STK38L: variants seen among roughly 807,000 people sequenced by gnomAD.
STK38L encodes serine/threonine-protein kinase 38-like.
Under a neutral mutation model 59.7 loss-of-function variants are expected in STK38L, and 28 were observed. The ratio of observed to expected loss-of-function variants is 0.47; its 90% CI spans 0.35 to 0.64. The LOEUF (loss-of-function observed/expected upper bound fraction) is 0.64, where lower values mean the gene tolerates loss of function less well. Among genes scored for constraint, STK38L ranks in the 30% least tolerant of loss-of-function variants. The pLI is 0.01. For missense variants in STK38L, 314 were observed against 555.8 expected, an observed-to-expected ratio of 0.56 and a Z score of 4.37; for synonymous variants, 162 against 176.8, an observed-to-expected ratio of 0.92 and a Z score of 0.66.
chr12:27,283,692 A>G (rs1204218826), intron 1 of STK38L, among the ~76,000 whole-genome samples: 1 of 152,186 alleles, frequency 6.6e-6, no homozygotes, highest in Admixed American at 6.5e-5. Flanking sequence ...TTTTATTTTT[A>G]TATATGGGGC....
Position 27,324,001 on chromosome 12 carries a change from T to C in STK38L, c.*1546T>C, listed in dbSNP as rs181068918. On this transcript the variant is annotated 3_prime_UTR_variant, in exon 14 of 14. Transcript: ENST00000389032. ...TCAAAATCTAAAGTGATGAATTATTTGTAGGAATGTCTTCCTAATGGGGAA... is the reference window on the plus strand; with the variant it reads ...TCAAAATCTAAAGTGATGAATTATTCGTAGGAATGTCTTCCTAATGGGGAA... 3.7e-4 allele frequency: 56 copies of C among 152,220 alleles called. No homozygotes were observed. Among genetic ancestry groups the C allele is most frequent in the African/African-American group, 1.3e-3 (56 of 41,558 alleles). 9.4% of individuals were successfully genotyped at this position (152,220 alleles called of 1,614,324 possible).
chr12:27,250,918 C>G (rs959857265), intron 1 of STK38L, among the ~76,000 whole-genome samples: 13 of 148,938 alleles, frequency 8.7e-5, no homozygotes, highest in African/African-American at 3.2e-4. Flanking sequence ...AGAATGGCGT[C>G]AACCCGGGAG....
At chr12:27,319,206 ATAGT>A in intron 11 of STK38L, 118 bp from the exon 12 acceptor site, 2 of 620,300 alleles carry the variant, frequency 3.2e-6, no homozygotes, top group Non-Finnish European at 2.7e-6. Flanking sequence ...TACAATAAAC[ATAGT>A]TAACATCAAT....
chr12:27,294,508 A>T (rs1412344168), intron 1 of STK38L, among the ~76,000 whole-genome samples: 1 of 150,110 alleles, frequency 6.7e-6, no homozygotes, highest in Non-Finnish European at 1.5e-5. Context: ...TTCTGTCAAA[A>T]AAAAAAAAAA....
intron 7 of STK38L, 77 bp from the exon 8 acceptor site, chr12:27,314,938 A>T: frequency 9.0e-7 from 1 of 1,106,420 alleles, no homozygotes; most frequent in South Asian, 1.7e-5. Context: ...TATAATTGCC[A>T]TTTAATAGAG....
chr12:27,318,048 A>T, intron 11 of STK38L, 29 bp downstream of exon 11: 1 of 1,611,738 alleles, frequency 6.2e-7, no homozygotes, highest in South Asian at 1.1e-5. Flanking sequence ...AGAGGAGTTC[A>T]TAGTGTCTTA....
chr12:27,259,639 T>TC (rs869149204), intron 1 of STK38L, among the ~76,000 whole-genome samples: 3 of 152,028 alleles, frequency 2.0e-5, no homozygotes, highest in South Asian at 2.1e-4. Flanking sequence ...AGGGTTTCTT[T>TC]CCCCCCCTTT....
intron 1 of STK38L, among the ~76,000 whole-genome samples, chr12:27,290,107 C>T (rs2136632915): frequency 6.6e-6 from 1 of 152,280 alleles, no homozygotes; most frequent in Non-Finnish European, 1.5e-5. Flanking sequence ...ATATTTTTTA[C>T]TGATTTATTG....
intron 1 of STK38L, among the ~76,000 whole-genome samples, chr12:27,265,330 A>G (rs899512716): frequency 2.0e-5 from 3 of 152,128 alleles, no homozygotes; most frequent in Non-Finnish European, 4.4e-5. Context: ...TTCCATCATG[A>G]TAATTTTCCC....
chr12:27,325,099 T>C lies in STK38L; in HGVS notation c.*2644T>C, dbSNP rs1270645398. 1 of 152,134 alleles carries C rather than the reference T, an allele frequency of 6.6e-6. No individual in the cohort carries two copies. The highest frequency in any genetic ancestry group is 2.4e-5 in the African/African-American group (1 of 41,466). 9.4% of individuals were successfully genotyped at this position (152,134 alleles called of 1,614,324 possible). On this transcript the variant is annotated 3_prime_UTR_variant, in exon 14 of 14. Coordinates refer to ENST00000389032, the MANE Select transcript of STK38L (RefSeq NM_015000.4). ...AAAACCTTTGTATTAAAGCAAGTTA[T>C]GTTATTTTTCTTTTATGCATTTATT...
intron 9 of STK38L, among the ~76,000 whole-genome samples, chr12:27,315,734 G>A (rs1431785928): frequency 6.6e-6 from 1 of 152,202 alleles, no homozygotes; most frequent in African/African-American, 2.4e-5. Flanking sequence ...TAAGGTGGTT[G>A]TGAGTTTCTA....
chr12:27,263,001 A>T (rs1227734765), intron 1 of STK38L, among the ~76,000 whole-genome samples: 1 of 151,658 alleles, frequency 6.6e-6, no homozygotes, highest in Non-Finnish European at 1.5e-5. Flanking sequence ...GTTTCTCCAC[A>T]TTGGCCAGGC....
chr12:27,276,503 C>G (rs1361173200), intron 1 of STK38L, among the ~76,000 whole-genome samples: 1 of 151,696 alleles, frequency 6.6e-6, no homozygotes, highest in Non-Finnish European at 1.5e-5. Context: ...GTTCACATGC[C>G]CTGGAGAGAG....
intron 1 of STK38L, among the ~76,000 whole-genome samples, chr12:27,246,936 G>A (rs1186749736): frequency 6.6e-6 from 1 of 152,194 alleles, no homozygotes; most frequent in Non-Finnish European, 1.5e-5. Flanking sequence ...TGTCTTCAAG[G>A]AGATGTGATC....
chr12:27,298,807 G>A lies in STK38L; in HGVS notation c.134+953G>A, dbSNP rs370342853. ...ACCAGGTCAGGCAGTGTCCAATTTC[G>A]CTCAAGCACAGGATGTGCTAGATTC... On this transcript the variant is annotated intron_variant, in intron 2 of 13. Coordinates refer to ENST00000389032, the MANE Select transcript of STK38L (RefSeq NM_015000.4). 9.7e-4 allele frequency among the ~76,000 whole-genome samples: 147 copies of A among 152,286 alleles called. 3 individuals are homozygous for A. In the South Asian group the frequency reaches 0.027, roughly 28 times the overall value.
chr12:27,280,954 A>G (rs1591884690), intron 1 of STK38L, among the ~76,000 whole-genome samples: 1 of 152,220 alleles, frequency 6.6e-6, no homozygotes, highest in African/African-American at 2.4e-5. Flanking sequence ...ACAAGGAATT[A>G]TAAAACCATT....
chr12:27,247,849 CT>C (rs1280412457), intron 1 of STK38L, among the ~76,000 whole-genome samples: 1 of 132,222 alleles, frequency 7.6e-6, no homozygotes, highest in Non-Finnish European at 1.6e-5. Flanking sequence ...GAGTTTAAGT[CT>C]GTCTTTTAGG....
Position 27,302,201 on chromosome 12 carries a change from C to G in STK38L, c.186+13C>G. Reference sequence around the variant, plus strand: ...AGCAGATGAAGAGGTAATGTAATTACCTATAATTACTGTACAAAAGCACCC... The same window carrying G: ...AGCAGATGAAGAGGTAATGTAATTAGCTATAATTACTGTACAAAAGCACCC... On this transcript the variant is annotated intron_variant, in intron 3 of 13. Transcript: ENST00000389032. 6.3e-7 allele frequency: 1 copy of G among 1,587,388 alleles called. No individual in the cohort carries two copies. The highest frequency in any genetic ancestry group is 8.6e-7 in the Non-Finnish European group (1 of 1,166,056).
At chr12:27,274,457 A>G (rs969606363) in intron 1 of STK38L, among the ~76,000 whole-genome samples, 1 of 152,178 alleles carries the variant, frequency 6.6e-6, no homozygotes, top group African/African-American at 2.4e-5. Context: ...TGTAAAAATC[A>G]CCTGAAAAAG....
Sources: gnomAD v4.1 joint callset for allele counts (sites outside exome capture counted in the v4.1 genomes callset) on GRCh38, gnomAD v4.1.1 for gene constraint, MANE v1.5 for transcripts, NCBI Gene and HGNC (gene_info 2026-07-23, HGNC 2026-07-21) for gene names.